WSB2: variants seen among roughly 807,000 people sequenced by gnomAD.
WSB2 encodes the protein WD repeat and SOCS box-containing protein 2.
In WSB2, 12 loss-of-function variants were observed where a neutral mutation model predicts 48.8. That is an observed-to-expected ratio of 0.25 (90% confidence interval 0.16 to 0.40). The LOEUF is 0.40. Ranked by LOEUF, WSB2 falls within the 10% of genes least tolerant of loss-of-function variation. The probability of loss-of-function intolerance (pLI) is 1.00; values close to 1 mark genes in which losing one functional copy is unlikely to be tolerated. For missense variants in WSB2, 317 were observed against 506.2 expected (o/e 0.63, Z 3.59); for synonymous variants, 191 against 203.1 (o/e 0.94, Z 0.51).
intron 1 of WSB2, among the ~76,000 whole-genome samples, chr12:118,052,950 C>T (rs531942295): frequency 1.1e-3 from 170 of 152,262 alleles, no homozygotes; most frequent in Non-Finnish European, 2.0e-3. Flanking sequence ...AGGCTAAAAA[C>T]GTTCAGCCCT....
intron 1 of WSB2, 101 bp from the exon 2 acceptor site, chr12:118,052,579 T>C (rs574218634): frequency 2.7e-4 from 420 of 1,537,494 alleles, no homozygotes; most frequent in Non-Finnish European, 3.4e-4. Flanking sequence ...AGCCACACTA[T>C]CCATTCCCAG....
rs561896824 is a variant in WSB2 at position 118,040,332 on chromosome 12, C to T, written c.560-1944G>A. On this transcript the variant is annotated intron_variant, in intron 4 of 8. Coordinates refer to ENST00000315436, the MANE Select transcript of WSB2 (RefSeq NM_018639.5). ...TTGAAAAGCTCTCATAATTGGCCTA[C>T]TCCATCCCGCCCACTCTTGGTCACT... Among the ~76,000 whole-genome samples, 9 of 152,276 alleles carry T rather than the reference C, an allele frequency of 5.9e-5. No homozygotes were observed. In the South Asian group the frequency reaches 1.7e-3, roughly 28 times the overall value.
At chr12:118,042,798 C>T in intron 4 of WSB2, 43 bp downstream of exon 4, 1 of 1,596,698 alleles carries the variant, frequency 6.3e-7, no homozygotes, top group East Asian at 2.2e-5. Context: ...AAAGCAAATA[C>T]AGTATTTTTG....
chr12:118,054,945 G>A (rs563345096), intron 1 of WSB2, among the ~76,000 whole-genome samples: 5 of 149,580 alleles, frequency 3.3e-5, no homozygotes, highest in Admixed American at 6.6e-5. Context: ...TTGGTAGGCC[G>A]AGATGGGATG....
chr12:118,045,089 T>C (rs1852856182), intron 2 of WSB2, among the ~76,000 whole-genome samples: 1 of 152,150 alleles, frequency 6.6e-6, no homozygotes, highest in Non-Finnish European at 1.5e-5. Flanking sequence ...CAAAAGAATT[T>C]TAACTGGCCG....
At chr12:118,036,124 C>G in intron 6 of WSB2, 1 of 442,292 alleles carries the variant, frequency 2.3e-6, no homozygotes, top group Non-Finnish European at 4.0e-6. Flanking sequence ...ATCGCTTGAA[C>G]CCGGGAGGTG....
At chr12:118,043,108 C>T (rs999256130) in intron 3 of WSB2, 25 bp downstream of exon 3, 7 of 1,614,042 alleles carry the variant, frequency 4.3e-6, no homozygotes, top group Non-Finnish European at 5.9e-6. Flanking sequence ...CTCCCAGAAC[C>T]TTGTGCCAGC....
At chr12:118,062,062 C>A, upstream of WSB2, 1 of 1,530,376 alleles carries the variant, frequency 6.5e-7, no homozygotes, top group Non-Finnish European at 8.7e-7. Flanking sequence ...AAAAACGGGG[C>A]AGGAGCGATT....
At chr12:118,057,822 A>G (rs1307903078) in intron 1 of WSB2, among the ~76,000 whole-genome samples, 8 of 147,826 alleles carry the variant, frequency 5.4e-5, no homozygotes, top group Admixed American at 4.1e-4. Flanking sequence ...TGGCTGAATC[A>G]CAGCTCACTG....
chr12:118,051,319 T>C (rs1472406286), intron 2 of WSB2, among the ~76,000 whole-genome samples: 1 of 152,178 alleles, frequency 6.6e-6, no homozygotes, highest in Non-Finnish European at 1.5e-5. Context: ...AAACACAGGT[T>C]TTCTATAAAT....
At chr12:118,037,672 A>G (rs1045037874) in intron 5 of WSB2, among the ~76,000 whole-genome samples, 34 of 150,794 alleles carry the variant, frequency 2.3e-4, no homozygotes, top group Admixed American at 2.0e-3. Flanking sequence ...CTGTCTAAAA[A>G]AAAAAAAAAA....
At chr12:118,051,193 A>G (rs897509855) in intron 2 of WSB2, among the ~76,000 whole-genome samples, 1 of 152,366 alleles carries the variant, frequency 6.6e-6, no homozygotes, top group Middle Eastern at 3.4e-3. Context: ...AAGACAGACA[A>G]TAACAACGGC....
chr12:118,041,130 C>A (rs1430862256), intron 4 of WSB2, among the ~76,000 whole-genome samples: 2 of 152,178 alleles, frequency 1.3e-5, no homozygotes, highest in Non-Finnish European at 2.9e-5. Context: ...ATGTGCACTG[C>A]CTTAGTTTGT....
rs191482729 is a variant in WSB2 at position 118,041,058 on chromosome 12, C to A, written c.559+1783G>T. On this transcript the variant is annotated intron_variant, in intron 4 of 8. Transcript: ENST00000315436. Reference sequence around the variant, plus strand: ...AGTGAGACTCCGTCTCAAGAAAAAACAAACAAACCAAAAAAACACCTAGAG... The same window carrying A: ...AGTGAGACTCCGTCTCAAGAAAAAAAAAACAAACCAAAAAAACACCTAGAG... 4.1e-3 allele frequency among the ~76,000 whole-genome samples: 617 copies of A among 152,278 alleles called. 3 individuals carry two copies. The highest frequency in any genetic ancestry group is 0.01 in the Middle Eastern group (3 of 294).
chr12:118,043,649 G>T (rs1478162512), intron 2 of WSB2, among the ~76,000 whole-genome samples: 2 of 152,096 alleles, frequency 1.3e-5, no homozygotes, highest in African/African-American at 4.8e-5. Context: ...GTTTTGTCAT[G>T]TTGCCCAGGC....
At chr12:118,050,717 C>T (rs2031834335) in intron 2 of WSB2, among the ~76,000 whole-genome samples, 1 of 152,000 alleles carries the variant, frequency 6.6e-6, no homozygotes, top group Admixed American at 6.6e-5. Context: ...TCTGAGTAGA[C>T]ATTTATCCAA....
At chr12:118,061,964 C>G, upstream of WSB2, 1 of 802,422 alleles carries the variant, frequency 1.2e-6, no homozygotes, top group South Asian at 1.8e-5. Context: ...TCAATGGCTC[C>G]GGTAATGGGA....
At chr12:118,057,891 G>A (rs1195127605) in intron 1 of WSB2, among the ~76,000 whole-genome samples, 3 of 148,706 alleles carry the variant, frequency 2.0e-5, no homozygotes, top group Admixed American at 6.8e-5. Context: ...CCTGTGTATC[G>A]GGCTACGGGG....
At chr12:118,051,789 C>T (rs2031857779) in intron 2 of WSB2, among the ~76,000 whole-genome samples, 2 of 152,220 alleles carry the variant, frequency 1.3e-5, no homozygotes, top group Admixed American at 6.5e-5. Context: ...GCCTGGCCAA[C>T]ATGGCGAAAC....
Sources: gnomAD v4.1 joint callset for allele counts (sites outside exome capture counted in the v4.1 genomes callset) on GRCh38, gnomAD v4.1.1 for gene constraint, MANE v1.5 for transcripts, NCBI Gene and HGNC (gene_info 2026-07-23, HGNC 2026-07-21) for gene names.